Variants in FANCL observed in about 807,000 individuals in gnomAD.
FANCL encodes FA complementation group L, also known as E3 ubiquitin-protein ligase FANCL.
FANCL carries 69 observed loss-of-function variants against 59.4 expected under a neutral mutation model. That is an observed-to-expected ratio of 1.16 (90% confidence interval 0.96 to 1.42). FANCL has a LOEUF of 1.42. Ranked by LOEUF, FANCL falls within the 40% of genes most tolerant of loss-of-function variation. The pLI, the probability that FANCL is intolerant of heterozygous loss-of-function variation, is 0.00. For missense variants in FANCL, 519 were observed against 447.2 expected (o/e 1.16, Z -1.45); for synonymous variants, 180 against 147.1 (o/e 1.22, Z -1.62).
At chr2:58,191,449 A>C (rs1189189402) in intron 7 of FANCL, among the ~76,000 whole-genome samples, 1 of 151,834 alleles carries the variant, frequency 6.6e-6, no homozygotes, top group African/African-American at 2.4e-5. Flanking sequence ...TAACCAATAA[A>C]ACTGTGAAAC....
At chr2:58,159,921 T>A in intron 13 of FANCL, 121 bp from the exon 14 acceptor site, 1 of 1,537,566 alleles carries the variant, frequency 6.5e-7, no homozygotes, top group Non-Finnish European at 8.7e-7. Context: ...ACTTCTGAAG[T>A]TTCAGATCAC....
intron 5 of FANCL, among the ~76,000 whole-genome samples, chr2:58,207,261 C>A (rs567530643): frequency 1.3e-5 from 2 of 152,290 alleles, no homozygotes; most frequent in East Asian, 3.9e-4. Flanking sequence ...AGGAACAACA[C>A]TCTATAAAGC....
chr2:58,214,782 G>A (rs1000990269), intron 5 of FANCL, among the ~76,000 whole-genome samples: 2 of 152,018 alleles, frequency 1.3e-5, no homozygotes, highest in African/African-American at 4.8e-5. Context: ...CAAAGTACTG[G>A]GATTACAGGT....
chr2:58,210,420 C>T, intron 5 of FANCL, among the ~76,000 whole-genome samples: 1 of 152,158 alleles, frequency 6.6e-6, no homozygotes, highest in East Asian at 1.9e-4. Context: ...GGAAACCGCC[C>T]TCCCACAACA....
At chr2:58,168,449 C>T (rs1393332382) in intron 7 of FANCL, among the ~76,000 whole-genome samples, 1 of 152,172 alleles carries the variant, frequency 6.6e-6, no homozygotes, top group Non-Finnish European at 1.5e-5. Flanking sequence ...TCTTCACAAC[C>T]CGCAGATCAG....
At chr2:58,208,887 G>C (rs1034811162) in intron 5 of FANCL, among the ~76,000 whole-genome samples, 2 of 152,080 alleles carry the variant, frequency 1.3e-5, no homozygotes, top group Non-Finnish European at 2.9e-5. Context: ...TGCATATAGA[G>C]AATCATTAGC....
chr2:58,174,190 G>T (rs1224244806), intron 7 of FANCL, among the ~76,000 whole-genome samples: 1 of 152,128 alleles, frequency 6.6e-6, no homozygotes, highest in Non-Finnish European at 1.5e-5. Flanking sequence ...ATAATAATGG[G>T]AGAATTTAAC....
intron 1 of FANCL, among the ~76,000 whole-genome samples, chr2:58,235,688 AAG>A (rs754404240): frequency 2.6e-5 from 4 of 152,100 alleles, no homozygotes; most frequent in African/African-American, 4.8e-5. Context: ...GAGAAAAATC[AAG>A]AGAGACATAA....
In FANCL at chr2:58,240,103, C is replaced by G. The variant is rs866534236; in HGVS notation, c.96+1115G>C. ...TTTGCCTAAAATTAGGTATAACATG[C>G]TTCCTGTAAAAAAAAAAAAAAAAAA... On this transcript the variant is annotated intron_variant, in intron 1 of 13. Coordinates refer to ENST00000233741, the MANE Select transcript of FANCL (RefSeq NM_018062.4). Among the ~76,000 whole-genome samples, 4 of 133,598 alleles carry G rather than the reference C, an allele frequency of 3.0e-5. No individual in the cohort carries two copies. The East Asian group carries it at 6.0e-4, about 20-fold the overall frequency. 87.6% of individuals were successfully genotyped at this position (133,598 alleles called of 152,430 possible).
In FANCL at chr2:58,204,182, G is replaced by A. The variant is rs374672012; in HGVS notation, c.419C>T (p.Ala140Val). 6.2e-7 allele frequency: 1 copy of A among 1,613,210 alleles called. No individual in the cohort carries two copies. The highest frequency in any genetic ancestry group is 1.3e-5 in the African/African-American group (1 of 74,894). ...ATGCTCTCTACCAGAAGCATCTTCT[G>A]CTTTTAACTTGATGGTACTGAAGCA... is the stretch of plus-strand genomic sequence containing the variant. ...DTCFSTIKLK[A>V]EDASGREHLI... Residue 140 changes from alanine (A) to valine (V), a missense_variant, in exon 6 of 14, where the codon GCA (alanine) becomes GTA (valine). Physicochemically the swap from Ala to Val is moderately conservative, Grantham distance 64. Transcript: ENST00000233741.
At chr2:58,176,232 C>T (rs1432534944) in intron 7 of FANCL, among the ~76,000 whole-genome samples, 3 of 152,138 alleles carry the variant, frequency 2.0e-5, no homozygotes, top group Admixed American at 2.0e-4. Flanking sequence ...TCAATGCCAT[C>T]CCCATCAAGC....
chr2:58,160,768 A>G lies in FANCL; in HGVS notation c.1021-589T>C, dbSNP rs570575233. 2.0e-5 allele frequency among the ~76,000 whole-genome samples: 3 copies of G among 152,184 alleles called. No homozygotes were observed. In the East Asian group the frequency reaches 5.8e-4, roughly 29 times the overall value. On this transcript the variant is annotated intron_variant, in intron 12 of 13. Transcript: ENST00000233741. ...TATTTCTGTAATTTCATGATTTTAT[A>G]TAAGGTAAATAGATGCCTCTGCCTA...
chr2:58,160,069 T>A, intron 13 of FANCL, 39 bp downstream of exon 13: 1 of 1,609,536 alleles, frequency 6.2e-7, no homozygotes, highest in Non-Finnish European at 8.5e-7. Context: ...TACTGAAAGC[T>A]AGGCACATTT....
chr2:58,240,953 C>G (rs557601436), intron 1 of FANCL, among the ~76,000 whole-genome samples: 1 of 152,286 alleles, frequency 6.6e-6, no homozygotes, highest in South Asian at 2.1e-4. Context: ...AAGCCAAACT[C>G]GGGGAAGGGC....
At chr2:58,205,385 T>A (rs994178909) in intron 5 of FANCL, among the ~76,000 whole-genome samples, 23 of 152,078 alleles carry the variant, frequency 1.5e-4, no homozygotes, top group African/African-American at 5.6e-4. Context: ...AAGTGTTTTA[T>A]ACACATAAAA....
intron 1 of FANCL, among the ~76,000 whole-genome samples, chr2:58,236,186 A>G (rs903931091): frequency 6.6e-6 from 1 of 152,062 alleles, no homozygotes; most frequent in African/African-American, 2.4e-5. Flanking sequence ...ACCAAGGTAC[A>G]ACACACATCA....
At position 58,241,292 on chromosome 2, in the gene FANCL, G is replaced by T. The variant is rs764378405; in HGVS notation, c.22C>A (p.Leu8Met). ...AGAAGCAGGGGGCACTGGCGCAACA[G>T]GCTCGCTTCCGTCACCGCCATGGCT... MAVTEASLLRQCPLLLPQ... is the reference protein window; with the variant it reads MAVTEASMLRQCPLLLPQ... The change falls in exon 1 of 14, where the codon CTG becomes ATG. Residue 8 changes from leucine (L) to methionine (M), a missense_variant. Leu to Met is a conservative substitution (Grantham distance 15). Coordinates refer to ENST00000233741, the MANE Select transcript of FANCL (RefSeq NM_018062.4). 33 of 1,614,146 alleles carry T rather than the reference G, an allele frequency of 2.0e-5. No homozygotes were observed. Among genetic ancestry groups the T allele is most frequent in the Non-Finnish European group, 2.8e-5 (33 of 1,180,050 alleles).
chr2:58,205,296 T>A (rs890015737), intron 5 of FANCL, among the ~76,000 whole-genome samples: 1 of 152,074 alleles, frequency 6.6e-6, no homozygotes. Context: ...TCTGAAGATA[T>A]CTATCTTCAA....
chr2:58,199,072 C>T lies in FANCL; in HGVS notation c.472-410G>A, dbSNP rs1243341475. ...AAAAACGAGATATATTGGGGGAAAA[C>T]ATATTATTATAACTGAAAATGTATT... On this transcript the variant is annotated intron_variant, in intron 6 of 13. Transcript: ENST00000233741. Among the ~76,000 whole-genome samples, 3 of 147,992 alleles carry T rather than the reference C, an allele frequency of 2.0e-5. No homozygotes were observed. The East Asian group carries it at 5.9e-4, about 29-fold the overall frequency.
Sources: gnomAD v4.1 joint callset for allele counts (sites outside exome capture counted in the v4.1 genomes callset) on GRCh38, gnomAD v4.1.1 for gene constraint, MANE v1.5 for transcripts, NCBI Gene and HGNC (gene_info 2026-07-23, HGNC 2026-07-21) for gene names.